Variants in NUBPL observed in about 807,000 individuals in gnomAD.
NUBPL encodes the protein NUBP iron-sulfur cluster assembly factor, mitochondrial.
Under a neutral mutation model 45.7 loss-of-function variants are expected in NUBPL, and 31 were observed. That is an observed-to-expected ratio of 0.68 (90% CI 0.51 to 0.92). The LOEUF (loss-of-function observed/expected upper bound fraction) is 0.92. NUBPL is among the 40% of genes least tolerant of loss of function. The pLI is 0.00. For missense variants in NUBPL, 401 were observed against 398.7 expected (o/e 1.01, Z -0.05); for synonymous variants, 144 against 140.9 (o/e 1.02, Z -0.15).
chr14:31,815,844 T>G (rs1412070091), intron 7 of NUBPL, among the ~76,000 whole-genome samples: 3 of 152,200 alleles, frequency 2.0e-5, no homozygotes, highest in African/African-American at 7.2e-5. Context: ...TTTTTATTGA[T>G]TTGCATATAT....
intron 4 of NUBPL, among the ~76,000 whole-genome samples, chr14:31,654,609 C>T (rs1464942033): frequency 2.0e-5 from 3 of 152,070 alleles, no homozygotes; most frequent in Non-Finnish European, 4.4e-5. Context: ...TGGGGTTTCA[C>T]AGTGTTAGCC....
intron 3 of NUBPL, among the ~76,000 whole-genome samples, chr14:31,569,449 T>A (rs1485443430): frequency 6.6e-6 from 1 of 152,138 alleles, no homozygotes; most frequent in Admixed American, 6.5e-5. Context: ...CACCCACTTC[T>A]GCCTCCCAAA....
intron 6 of NUBPL, among the ~76,000 whole-genome samples, chr14:31,787,084 A>G (rs1391399426): frequency 6.6e-6 from 1 of 152,094 alleles, no homozygotes; most frequent in African/African-American, 2.4e-5. Context: ...AGGAAGAGTT[A>G]TTGTCATTCC....
chr14:31,748,072 G>T (rs149140045), intron 6 of NUBPL, among the ~76,000 whole-genome samples: 52 of 151,940 alleles, frequency 3.4e-4, no homozygotes, highest in African/African-American at 1.2e-3. Flanking sequence ...GTCATTCAGG[G>T]GCATGCTGTT....
chr14:31,598,602 G>A (rs925715492), intron 3 of NUBPL, among the ~76,000 whole-genome samples: 6 of 152,146 alleles, frequency 3.9e-5, no homozygotes, highest in Non-Finnish European at 5.9e-5. Flanking sequence ...GACAGCCAGC[G>A]AAGAGCCCAG....
rs114432464 is a variant in NUBPL at position 31,710,248 on chromosome 14, C to T, written c.513+36674C>T. Among the ~76,000 whole-genome samples the T allele has an allele frequency of 9.0e-3, 1,362 of 152,176 alleles. 21 individuals carry two copies. The highest frequency in any genetic ancestry group is 0.031 in the African/African-American group (1,284 of 41,508). On this transcript the variant is annotated intron_variant, in intron 6 of 10. Transcript: ENST00000281081. ...GTGTTTCCTATCTGAATGACAAAAC[C>T]GCCCGCAGATTTGGTTTGTTTGTTT...
At chr14:31,743,878 T>C (rs1364088041) in intron 6 of NUBPL, among the ~76,000 whole-genome samples, 2 of 152,198 alleles carry the variant, frequency 1.3e-5, no homozygotes, top group Non-Finnish European at 2.9e-5. Context: ...TGTTGTTTAG[T>C]GTTTCTTAGC....
chr14:31,629,185 A>G lies in NUBPL; in HGVS notation c.382+29806A>G, dbSNP rs147171035. Among the ~76,000 whole-genome samples the G allele has an allele frequency of 2.2e-3, 328 of 152,342 alleles. 2 individuals are homozygous for G. Among genetic ancestry groups the G allele is most frequent in the African/African-American group, 7.5e-3 (310 of 41,578 alleles). On this transcript the variant is annotated intron_variant, in intron 4 of 10. Transcript: ENST00000281081. ...TTGGAGAATTGCTTGTTTAATGGAA[A>G]GTTCTTTAATCAAAAGTCAGAATTC...
At chr14:31,692,874 C>T (rs1164449409) in intron 6 of NUBPL, among the ~76,000 whole-genome samples, 2 of 152,000 alleles carry the variant, frequency 1.3e-5, no homozygotes, top group Non-Finnish European at 2.9e-5. Context: ...TCTTAAATGG[C>T]AAGTGATTAT....
In NUBPL at chr14:31,610,270, T is replaced by C. The variant is rs190180297; in HGVS notation, c.382+10891T>C. On this transcript the variant is annotated intron_variant, in intron 4 of 10. Coordinates refer to ENST00000281081, the MANE Select transcript of NUBPL (RefSeq NM_025152.3). The stretch of plus-strand genomic sequence containing the variant: ...AGAAATTCAAAGGATCATTAGTGGC[T>C]ACTGTGAGTAAGTACATGCCAATAA... Among the ~76,000 whole-genome samples, 83 of 151,950 alleles carry C rather than the reference T, an allele frequency of 5.5e-4. 1 individual carries two copies. The highest frequency in any genetic ancestry group is 9.6e-4 in the Non-Finnish European group (65 of 67,992).
At chr14:31,708,086 G>A (rs1289724401) in intron 6 of NUBPL, among the ~76,000 whole-genome samples, 1 of 152,210 alleles carries the variant, frequency 6.6e-6, no homozygotes. Context: ...GAGAGAGCAG[G>A]ATATAGGGGT....
chr14:31,762,489 CAAGGCCTTCAAACCACCCAGT>C (rs1462148452), intron 6 of NUBPL, among the ~76,000 whole-genome samples: 1 of 152,104 alleles, frequency 6.6e-6, no homozygotes, highest in East Asian at 1.9e-4. Context: ...GTATAGAACC[CAAGGCCTTCAAACCACCCAGT>C]AAGTGTTAGT....
chr14:31,735,258 T>C (rs1595560444), intron 6 of NUBPL, among the ~76,000 whole-genome samples: 1 of 152,308 alleles, frequency 6.6e-6, no homozygotes, highest in East Asian at 1.9e-4. Flanking sequence ...TGTATATATA[T>C]TAAATTACCT....
chr14:31,629,356 G>T (rs780449221), intron 4 of NUBPL, among the ~76,000 whole-genome samples: 2 of 152,042 alleles, frequency 1.3e-5, no homozygotes, highest in Non-Finnish European at 2.9e-5. Flanking sequence ...TATTAGGCAC[G>T]GCACATTGTA....
chr14:31,638,929 G>C (rs1364154503), intron 4 of NUBPL, among the ~76,000 whole-genome samples: 2 of 152,130 alleles, frequency 1.3e-5, no homozygotes, highest in African/African-American at 2.4e-5. Context: ...TTGGCTTTCA[G>C]CTCCATCAGC....
intron 10 of NUBPL, among the ~76,000 whole-genome samples, chr14:31,855,996 T>C (rs2040611526): frequency 6.6e-6 from 1 of 152,232 alleles, no homozygotes; most frequent in South Asian, 2.1e-4. Flanking sequence ...AAATCTTAGC[T>C]GTTTTCATTA....
At chr14:31,816,968 A>G (rs2039930388) in intron 7 of NUBPL, among the ~76,000 whole-genome samples, 1 of 152,064 alleles carries the variant, frequency 6.6e-6, no homozygotes, top group Admixed American at 6.6e-5. Context: ...TAGAATAACC[A>G]GTTTAGAGAA....
In NUBPL at chr14:31,707,418, C is replaced by G. The variant is rs192018471; in HGVS notation, c.513+33844C>G. On this transcript the variant is annotated intron_variant, in intron 6 of 10. Transcript: ENST00000281081. ...CTCTCTTTCTTTCTCTTTGACTTCT[C>G]CTTTGTCTCTCTCTTTCTCTCTTTC... 9.6e-4 allele frequency among the ~76,000 whole-genome samples: 146 copies of G among 152,324 alleles called. No homozygotes were observed. The Middle Eastern group carries it at 0.014, about 14-fold the overall frequency.
At chr14:31,587,931 T>C (rs1204322040) in intron 3 of NUBPL, among the ~76,000 whole-genome samples, 3 of 152,226 alleles carry the variant, frequency 2.0e-5, no homozygotes, top group Non-Finnish European at 4.4e-5. Flanking sequence ...TTTTTGATGG[T>C]TGTTTTGTAT....
Sources: allele counts gnomAD v4.1 joint callset (sites outside exome capture counted in the v4.1 genomes callset), GRCh38; gene constraint gnomAD v4.1.1; transcripts MANE v1.5; gene names NCBI Gene and HGNC (gene_info 2026-07-23, HGNC 2026-07-21).